Variants in DLG2 observed in about 807,000 individuals in gnomAD.
DLG2 encodes the protein disks large homolog 2.
Under a neutral mutation model 132.5 loss-of-function variants are expected in DLG2, and 45 were observed. The observed-to-expected ratio is 0.34, with a 90% confidence interval of 0.27 to 0.44. DLG2 has a LOEUF of 0.44. DLG2 is among the 20% of genes least tolerant of loss of function. DLG2 has a pLI of 1.00. For synonymous variants in DLG2, 424 were observed against 419.6 expected, an observed-to-expected ratio of 1.01 and a Z score of -0.13; for missense variants, 1,045 against 1,196.9, an observed-to-expected ratio of 0.87 and a Z score of 1.87.
chr11:84,324,087 G>A (rs1201784906), intron 7 of DLG2, among the ~76,000 whole-genome samples: 2 of 151,874 alleles, frequency 1.3e-5, no homozygotes, highest in Non-Finnish European at 2.9e-5. Flanking sequence ...GTCTATTTTT[G>A]TTTCTGTTTC....
At chr11:85,480,249 T>C (rs1416004261) in intron 3 of DLG2, among the ~76,000 whole-genome samples, 1 of 152,202 alleles carries the variant, frequency 6.6e-6, no homozygotes, top group African/African-American at 2.4e-5. Flanking sequence ...CACAACTATG[T>C]ATTTAGTCTA....
chr11:85,226,919 C>A (rs532855739), intron 4 of DLG2, among the ~76,000 whole-genome samples: 1 of 152,136 alleles, frequency 6.6e-6, no homozygotes, highest in South Asian at 2.1e-4. Context: ...AAAATAGGGA[C>A]CTTTTATATC....
chr11:83,959,797 A>G (rs1376700048), intron 14 of DLG2, among the ~76,000 whole-genome samples: 1 of 152,112 alleles, frequency 6.6e-6, no homozygotes, highest in Admixed American at 6.6e-5. Context: ...TGATTGCTGT[A>G]TGCTATGAGG....
At chr11:85,592,783 T>C (rs1327293512) in intron 3 of DLG2, among the ~76,000 whole-genome samples, 1 of 151,860 alleles carries the variant, frequency 6.6e-6, no homozygotes, top group Non-Finnish European at 1.5e-5. Flanking sequence ...AAGTCTCCTT[T>C]CCGCAAAAAA....
chr11:85,070,056 A>T (rs980913191), intron 6 of DLG2, among the ~76,000 whole-genome samples: 101 of 152,052 alleles, frequency 6.6e-4, no homozygotes, highest in African/African-American at 2.3e-3. Flanking sequence ...CGCAAGGACA[A>T]AAAACCAAAC....
chr11:84,139,995 C>G (rs2094772878), intron 9 of DLG2, among the ~76,000 whole-genome samples: 1 of 151,926 alleles, frequency 6.6e-6, no homozygotes, highest in Non-Finnish European at 1.5e-5. Flanking sequence ...TATAAGAGAA[C>G]TATTTCTTTT....
intron 7 of DLG2, among the ~76,000 whole-genome samples, chr11:84,476,492 T>C (rs2099121983): frequency 6.6e-6 from 1 of 152,186 alleles, no homozygotes; most frequent in South Asian, 2.1e-4. Flanking sequence ...TTAGAGTTCA[T>C]TAATACTGAA....
intron 6 of DLG2, among the ~76,000 whole-genome samples, chr11:84,954,276 G>A (rs2051335535): frequency 6.6e-6 from 1 of 150,618 alleles, no homozygotes; most frequent in South Asian, 2.1e-4. Context: ...GTATCTCTCT[G>A]TGATAAAATA....
intron 6 of DLG2, among the ~76,000 whole-genome samples, chr11:85,099,944 C>A (rs1342179219): frequency 6.6e-6 from 1 of 152,134 alleles, no homozygotes; most frequent in African/African-American, 2.4e-5. Flanking sequence ...TCCTTCATCA[C>A]CAAAGGCTAG....
At chr11:85,406,995 T>TGGA (rs1177348228) in intron 3 of DLG2, among the ~76,000 whole-genome samples, 2 of 151,774 alleles carry the variant, frequency 1.3e-5, no homozygotes, top group Non-Finnish European at 2.9e-5. Flanking sequence ...AAAAGAGTCA[T>TGGA]GGAGATATTG....
At chr11:84,370,253 T>C (rs796745698) in intron 7 of DLG2, among the ~76,000 whole-genome samples, 26 of 152,292 alleles carry the variant, frequency 1.7e-4, no homozygotes, top group African/African-American at 6.3e-4. Flanking sequence ...GGGGAAGTTG[T>C]ATTTTTTTTC....
intron 9 of DLG2, among the ~76,000 whole-genome samples, chr11:84,153,411 T>C (rs72953507): frequency 2.9e-3 from 438 of 152,312 alleles, no homozygotes; most frequent in Non-Finnish European, 5.4e-3. Context: ...GACATGTTCA[T>C]GAATTATATC....
At chr11:83,681,030 G>A (rs1302202686) in intron 18 of DLG2, among the ~76,000 whole-genome samples, 1 of 152,070 alleles carries the variant, frequency 6.6e-6, no homozygotes, top group Non-Finnish European at 1.5e-5. Flanking sequence ...ACAATTATGG[G>A]TTTAGAAGAC....
chr11:85,187,935 C>T (rs1329762597), intron 4 of DLG2, among the ~76,000 whole-genome samples: 3 of 152,076 alleles, frequency 2.0e-5, no homozygotes, highest in Non-Finnish European at 4.4e-5. Context: ...ACAGGAAGAT[C>T]CACGAAATGA....
chr11:84,580,202 T>C (rs1349669486), intron 6 of DLG2, among the ~76,000 whole-genome samples: 1 of 152,182 alleles, frequency 6.6e-6, no homozygotes. Flanking sequence ...TGCAGTAATA[T>C]GCTGTGGGTT....
intron 7 of DLG2, among the ~76,000 whole-genome samples, chr11:84,365,746 T>C (rs2098678476): frequency 6.6e-6 from 1 of 152,112 alleles, no homozygotes; most frequent in South Asian, 2.1e-4. Context: ...AACATCTTTA[T>C]TTCTGCCTTC....
chr11:84,201,288 A>T (rs2096589168), intron 8 of DLG2, among the ~76,000 whole-genome samples: 1 of 152,164 alleles, frequency 6.6e-6, no homozygotes, highest in Admixed American at 6.5e-5. Context: ...TACCCCAGGG[A>T]TGAAGCCTAT....
chr11:85,250,760 CT>C (rs1172834738), intron 4 of DLG2, among the ~76,000 whole-genome samples: 5 of 152,218 alleles, frequency 3.3e-5, no homozygotes, highest in African/African-American at 9.6e-5. Flanking sequence ...ACCTAATGAA[CT>C]TTAAGTTTCA....
chr11:84,300,436 G>T (rs2098139150), intron 7 of DLG2, among the ~76,000 whole-genome samples: 2 of 152,192 alleles, frequency 1.3e-5, no homozygotes, highest in East Asian at 3.9e-4. Context: ...AGAAAGACAG[G>T]TGCATAGATC....
Sources: gnomAD v4.1 joint callset for allele counts (sites outside exome capture counted in the v4.1 genomes callset) on GRCh38, gnomAD v4.1.1 for gene constraint, MANE v1.5 for transcripts, NCBI Gene and HGNC (gene_info 2026-07-23, HGNC 2026-07-21) for gene names.